THSD7A: variants seen among roughly 807,000 people sequenced by gnomAD.
THSD7A encodes thrombospondin type-1 domain-containing protein 7A.
In THSD7A, 96 loss-of-function variants were observed where a neutral mutation model predicts 231.3. The observed-to-expected ratio is 0.41, with a 90% CI of 0.35 to 0.49. The LOEUF (loss-of-function observed/expected upper bound fraction) is 0.49, where lower values mean the gene tolerates loss of function less well. THSD7A is among the 20% of genes least tolerant of loss of function. The pLI is 0.05. For missense variants in THSD7A, 2,290 were observed against 2,070.2 expected (o/e 1.11, Z -2.06); for synonymous variants, 940 against 743.3 (o/e 1.26, Z -4.30).
chr7:11,701,455 T>G (rs571355349), intron 1 of THSD7A, among the ~76,000 whole-genome samples: 3 of 151,246 alleles, frequency 2.0e-5, no homozygotes, highest in African/African-American at 7.2e-5. Context: ...AGCCATATAC[T>G]TCACTATAAT....
At chr7:11,521,104 A>G (rs1047486598) in intron 6 of THSD7A, among the ~76,000 whole-genome samples, 8 of 152,312 alleles carry the variant, frequency 5.3e-5, no homozygotes, top group East Asian at 1.9e-4. Context: ...TGATTTAAGG[A>G]ACATAGTGAT....
At chr7:11,527,104 C>A (rs1788506995) in intron 6 of THSD7A, among the ~76,000 whole-genome samples, 1 of 152,156 alleles carries the variant, frequency 6.6e-6, no homozygotes, top group Non-Finnish European at 1.5e-5. Flanking sequence ...TAATGGAATG[C>A]ATACCATAGC....
chr7:11,677,935 A>G (rs904095798), intron 1 of THSD7A, among the ~76,000 whole-genome samples: 2 of 152,172 alleles, frequency 1.3e-5, no homozygotes, highest in African/African-American at 4.8e-5. Context: ...AATCAACCAC[A>G]TAATTGGAAG....
intron 2 of THSD7A, among the ~76,000 whole-genome samples, chr7:11,607,010 T>TA: frequency 6.6e-6 from 1 of 151,178 alleles, no homozygotes; most frequent in Non-Finnish European, 1.5e-5. Context: ...AGTATAATAA[T>TA]AAAAAAATAT....
intron 16 of THSD7A, among the ~76,000 whole-genome samples, chr7:11,419,915 T>C (rs933182807): frequency 6.6e-6 from 1 of 152,194 alleles, no homozygotes; most frequent in African/African-American, 2.4e-5. Flanking sequence ...TGTGGAACTT[T>C]GAACTTGAGA....
At chr7:11,529,794 T>C (rs1185119220) in intron 6 of THSD7A, among the ~76,000 whole-genome samples, 15 of 152,160 alleles carry the variant, frequency 9.9e-5, no homozygotes. Flanking sequence ...ACTAATACAG[T>C]AAGCAATAAA....
intron 1 of THSD7A, among the ~76,000 whole-genome samples, chr7:11,734,847 A>AT (rs1781856134): frequency 6.6e-6 from 1 of 151,624 alleles, no homozygotes; most frequent in African/African-American, 2.4e-5. Context: ...GAATAAACCC[A>AT]TTTTTTCAAC....
chr7:11,409,434 T>C (rs1783705077), intron 19 of THSD7A, among the ~76,000 whole-genome samples: 1 of 152,214 alleles, frequency 6.6e-6, no homozygotes, highest in Admixed American at 6.5e-5. Flanking sequence ...TATTGTAGTA[T>C]TTGCATGTAA....
chr7:11,530,210 G>C (rs1238578191), intron 6 of THSD7A, among the ~76,000 whole-genome samples: 1 of 152,068 alleles, frequency 6.6e-6, no homozygotes, highest in Non-Finnish European at 1.5e-5. Flanking sequence ...GAAAATACAG[G>C]AGCTATTTTG....
chr7:11,481,071 A>G (rs978457285), intron 7 of THSD7A, among the ~76,000 whole-genome samples: 2 of 152,154 alleles, frequency 1.3e-5, no homozygotes, highest in East Asian at 3.9e-4. Context: ...ATTAAGTATG[A>G]CATTATATTA....
intron 13 of THSD7A, among the ~76,000 whole-genome samples, chr7:11,432,247 A>T (rs1784498134): frequency 6.6e-6 from 1 of 151,888 alleles, no homozygotes; most frequent in Non-Finnish European, 1.5e-5. Flanking sequence ...TTAAGTTAGG[A>T]AGTGCTACTA....
chr7:11,548,976 C>A (rs1445342294), intron 4 of THSD7A, among the ~76,000 whole-genome samples: 2 of 151,724 alleles, frequency 1.3e-5, no homozygotes, highest in Non-Finnish European at 2.9e-5. Context: ...ACAACCTACA[C>A]AATAGGAGAA....
intron 1 of THSD7A, among the ~76,000 whole-genome samples, chr7:11,735,573 A>C (rs375556103): frequency 1.1e-3 from 171 of 150,220 alleles, no homozygotes; most frequent in Non-Finnish European, 2.1e-3. Context: ...TGTATTTCAA[A>C]ATCTGAAAAA....
At chr7:11,533,242 A>G (rs12699203) in intron 6 of THSD7A, among the ~76,000 whole-genome samples, 121,558 of 152,126 alleles carry the variant, frequency 0.8, 49,172 homozygotes, top group African/African-American at 0.91. Context: ...TCTGTGGTCC[A>G]GAGGCCAACT....
At chr7:11,563,892 T>G (rs576277322) in intron 4 of THSD7A, among the ~76,000 whole-genome samples, 1 of 152,320 alleles carries the variant, frequency 6.6e-6, no homozygotes, top group Admixed American at 6.5e-5. Flanking sequence ...TGCTTGCTGC[T>G]TGGATAATCT....
At chr7:11,598,485 T>C (rs1780444212) in intron 2 of THSD7A, among the ~76,000 whole-genome samples, 1 of 152,140 alleles carries the variant, frequency 6.6e-6, no homozygotes, top group Non-Finnish European at 1.5e-5. Flanking sequence ...AGATGGAGGT[T>C]ATGGATGGGC....
At chr7:11,471,746 C>T (rs968024801) in intron 8 of THSD7A, among the ~76,000 whole-genome samples, 2 of 152,016 alleles carry the variant, frequency 1.3e-5, no homozygotes, top group Non-Finnish European at 2.9e-5. Context: ...TTTATTATTA[C>T]ATGTTAGATT....
chr7:11,430,450 A>G (rs1184090670), intron 13 of THSD7A, among the ~76,000 whole-genome samples: 1 of 152,058 alleles, frequency 6.6e-6, no homozygotes, highest in African/African-American at 2.4e-5. Context: ...ATGAAGTAAA[A>G]CATTATGTGA....
intron 1 of THSD7A, among the ~76,000 whole-genome samples, chr7:11,745,412 A>G (rs922060775): frequency 3.1e-4 from 47 of 151,924 alleles, no homozygotes; most frequent in African/African-American, 1.0e-3. Context: ...CACTCTGATG[A>G]TACTTTCTTT....
Sources: allele counts gnomAD v4.1 joint callset (sites outside exome capture counted in the v4.1 genomes callset), GRCh38; gene constraint gnomAD v4.1.1; transcripts MANE v1.5; gene names NCBI Gene and HGNC (gene_info 2026-07-23, HGNC 2026-07-21).